Variants in MLLT3 observed in about 807,000 individuals in gnomAD.
MLLT3 encodes the protein MLLT3 super elongation complex subunit.
MLLT3 carries 4 observed loss-of-function variants against 53.2 expected under a neutral mutation model. The ratio of observed to expected loss-of-function variants is 0.08; its 90% CI spans 0.04 to 0.17. MLLT3 has a LOEUF of 0.17. Among genes scored for constraint, MLLT3 ranks in the 10% least tolerant of loss-of-function variants. The probability of loss-of-function intolerance (pLI) is 1.00; values close to 1 mark genes in which losing one functional copy is unlikely to be tolerated. For synonymous variants in MLLT3, 283 were observed against 230.6 expected (o/e 1.23, Z -2.06); for missense variants, 569 against 684.0 (o/e 0.83, Z 1.87).
At chr9:20,447,996 A>T in intron 4 of MLLT3, 127 bp downstream of exon 4, 1 of 932,360 alleles carries the variant, frequency 1.1e-6, no homozygotes, top group Non-Finnish European at 1.6e-6. Context: ...CCATTAAGGT[A>T]CATCATTTCT....
At chr9:20,590,394 G>A (rs532945889) in intron 2 of MLLT3, among the ~76,000 whole-genome samples, 26 of 152,292 alleles carry the variant, frequency 1.7e-4, no homozygotes, top group East Asian at 3.9e-4. Context: ...CTCCACATGC[G>A]GAGGCAGGGC....
At chr9:20,599,713 T>C (rs1391270678) in intron 2 of MLLT3, among the ~76,000 whole-genome samples, 2 of 152,184 alleles carry the variant, frequency 1.3e-5, no homozygotes, top group Admixed American at 1.3e-4. Flanking sequence ...GGTGACTATA[T>C]AATCTATCAT....
chr9:20,570,698 C>T lies in MLLT3; in HGVS notation c.193+49956G>A, dbSNP rs546074753. Among the ~76,000 whole-genome samples the T allele has an allele frequency of 3.9e-5, 6 of 152,028 alleles. No individual in the cohort carries two copies. In the South Asian group the frequency reaches 8.3e-4, roughly 21 times the overall value. On this transcript the variant is annotated intron_variant, in intron 2 of 10. Coordinates refer to ENST00000380338, the MANE Select transcript of MLLT3 (RefSeq NM_004529.4). ...TCCAACTTTTATGAACACTGTTAAACGATTAACTTTCAAATTACTTAGAAA... is the reference window on the plus strand; with the variant it reads ...TCCAACTTTTATGAACACTGTTAAATGATTAACTTTCAAATTACTTAGAAA...
intron 8 of MLLT3, among the ~76,000 whole-genome samples, chr9:20,360,308 CATTTACAGAT>C (rs1337809236): frequency 6.6e-6 from 1 of 152,080 alleles, no homozygotes; most frequent in Non-Finnish European, 1.5e-5. Context: ...GTGTTAATGT[CATTTACAGAT>C]AAGGAAACTG....
intron 2 of MLLT3, among the ~76,000 whole-genome samples, chr9:20,551,859 TGCA>T (rs1290750726): frequency 1.3e-5 from 2 of 152,230 alleles, no homozygotes; most frequent in East Asian, 3.8e-4. Flanking sequence ...CTACGATTTA[TGCA>T]GCAGTAGACT....
intron 4 of MLLT3, among the ~76,000 whole-genome samples, chr9:20,439,081 G>C (rs975894474): frequency 6.6e-6 from 1 of 152,112 alleles, no homozygotes; most frequent in African/African-American, 2.4e-5. Flanking sequence ...TAGGCCAGGT[G>C]CGGTGGCTCA....
chr9:20,360,287 C>T (rs1317458554), intron 8 of MLLT3, among the ~76,000 whole-genome samples: 1 of 152,068 alleles, frequency 6.6e-6, no homozygotes, highest in Non-Finnish European at 1.5e-5. Flanking sequence ...TTCCCAATAA[C>T]CTAAAAGATA....
At chr9:20,549,227 G>C (rs1818866560) in intron 2 of MLLT3, among the ~76,000 whole-genome samples, 1 of 152,128 alleles carries the variant, frequency 6.6e-6, no homozygotes, top group South Asian at 2.1e-4. Context: ...AAGATTCCTT[G>C]GCAACATCAG....
At chr9:20,458,454 C>T (rs774063584) in intron 2 of MLLT3, among the ~76,000 whole-genome samples, 1 of 152,188 alleles carries the variant, frequency 6.6e-6, no homozygotes, top group African/African-American at 2.4e-5. Flanking sequence ...TCTAGACAAT[C>T]TGAAGACTAA....
At chr9:20,428,896 A>C (rs995130358) in intron 4 of MLLT3, among the ~76,000 whole-genome samples, 3 of 152,120 alleles carry the variant, frequency 2.0e-5, no homozygotes, top group Non-Finnish European at 4.4e-5. Context: ...CCTTGGGAAA[A>C]ATGTAACTTA....
At chr9:20,596,342 C>A (rs747743628) in intron 2 of MLLT3, among the ~76,000 whole-genome samples, 1 of 152,178 alleles carries the variant, frequency 6.6e-6, no homozygotes, top group Non-Finnish European at 1.5e-5. Flanking sequence ...TGATTTAAGA[C>A]GTCCCTATTT....
At chr9:20,530,970 T>C (rs1031718542) in intron 2 of MLLT3, among the ~76,000 whole-genome samples, 2 of 152,062 alleles carry the variant, frequency 1.3e-5, no homozygotes, top group African/African-American at 2.4e-5. Flanking sequence ...TTACATATTT[T>C]ATTTACATCT....
At chr9:20,450,647 A>G (rs1392896118) in intron 3 of MLLT3, among the ~76,000 whole-genome samples, 1 of 152,172 alleles carries the variant, frequency 6.6e-6, no homozygotes, top group Non-Finnish European at 1.5e-5. Flanking sequence ...TGCCTAGTTA[A>G]TGCAAACTCA....
At chr9:20,615,830 C>G (rs1820818863) in intron 2 of MLLT3, among the ~76,000 whole-genome samples, 1 of 145,464 alleles carries the variant, frequency 6.9e-6, no homozygotes. Flanking sequence ...AAAAGAGAAG[C>G]TGGTAAGAGG....
rs78846064 is a variant in MLLT3, at chr9:20,606,207, G to A, written c.193+14447C>T. ...GCCCACTGCCTGTAAAATCTCCCAT[G>A]GAGATTCAAGACCACCCATTGAAAA... On this transcript the variant is annotated intron_variant, in intron 2 of 10. Coordinates refer to ENST00000380338, the MANE Select transcript of MLLT3 (RefSeq NM_004529.4). Among the ~76,000 whole-genome samples, 86 of 152,130 alleles carry A rather than the reference G, an allele frequency of 5.7e-4. 1 individual carries two copies. The East Asian group carries it at 0.016, about 28-fold the overall frequency.
chr9:20,401,256 TAGAC>T (rs1822447550), intron 5 of MLLT3, among the ~76,000 whole-genome samples: 1 of 152,166 alleles, frequency 6.6e-6, no homozygotes. Flanking sequence ...TAACCCATAA[TAGAC>T]AGTAAGTATT....
chr9:20,379,566 T>C (rs1402768021), intron 5 of MLLT3, among the ~76,000 whole-genome samples: 2 of 152,088 alleles, frequency 1.3e-5, no homozygotes, highest in Non-Finnish European at 2.9e-5. Flanking sequence ...GTTTGCAATA[T>C]AGACTTAACA....
At chr9:20,397,142 G>A (rs1280003806) in intron 5 of MLLT3, among the ~76,000 whole-genome samples, 4 of 152,090 alleles carry the variant, frequency 2.6e-5, no homozygotes, top group South Asian at 2.1e-4. Context: ...CTGTTAGAAC[G>A]CAGGAGTCCT....
intron 4 of MLLT3, among the ~76,000 whole-genome samples, chr9:20,435,711 G>A (rs1257157362): frequency 2.6e-5 from 4 of 152,078 alleles, no homozygotes; most frequent in Admixed American, 6.6e-5. Flanking sequence ...AGGTCCTCTC[G>A]AACTTGATTT....
Sources: allele counts gnomAD v4.1 joint callset (sites outside exome capture counted in the v4.1 genomes callset), GRCh38; gene constraint gnomAD v4.1.1; transcripts MANE v1.5; gene names NCBI Gene and HGNC (gene_info 2026-07-23, HGNC 2026-07-21).